The following RYR3 variants were observed in gnomAD, a reference collection of about 807,000 sequenced individuals.
RYR3 encodes the protein ryanodine receptor 3.
A neutral mutation model predicts 584.3 loss-of-function variants in RYR3; 207 were observed. The ratio of observed to expected loss-of-function variants is 0.35; its 90% CI spans 0.32 to 0.40. RYR3 has a LOEUF of 0.40. RYR3 is among the 10% of genes least tolerant of loss of function. RYR3 has a pLI of 1.00. For synonymous variants in RYR3, 2,416 were observed against 2,248.5 expected (o/e 1.07, Z -2.11); for missense variants, 5,616 against 6,089.2 (o/e 0.92, Z 2.59).
intron 47 of RYR3, among the ~76,000 whole-genome samples, chr15:33,730,189 G>C (rs1466076711): frequency 6.6e-6 from 1 of 151,902 alleles, no homozygotes; most frequent in East Asian, 1.9e-4. Context: ...TAAATTATTT[G>C]ATTTTAAAAA....
At chr15:33,466,235 C>A (rs774366705) in intron 1 of RYR3, among the ~76,000 whole-genome samples, 1 of 152,080 alleles carries the variant, frequency 6.6e-6, no homozygotes, top group South Asian at 2.1e-4. Context: ...CCTGGAGCAC[C>A]ACTGTAGCAG....
chr15:33,564,793 T>C (rs2057610604), intron 11 of RYR3, among the ~76,000 whole-genome samples: 2 of 152,224 alleles, frequency 1.3e-5, no homozygotes, highest in Admixed American at 1.3e-4. Context: ...TTCATTTAAC[T>C]GTTAGAATGT....
intron 32 of RYR3, among the ~76,000 whole-genome samples, chr15:33,653,809 T>C (rs1167082916): frequency 6.6e-6 from 1 of 152,184 alleles, no homozygotes; most frequent in African/African-American, 2.4e-5. Flanking sequence ...GCCTGATCTC[T>C]TCATCCTTGA....
chr15:33,696,659 A>G (rs888615724), intron 39 of RYR3, among the ~76,000 whole-genome samples, 168 bp downstream of exon 39: 11 of 152,226 alleles, frequency 7.2e-5, no homozygotes, highest in African/African-American at 4.8e-5. Flanking sequence ...GAGAGACCCA[A>G]CTACTCACAG....
chr15:33,324,572 C>T (rs1055142981), intron 1 of RYR3, among the ~76,000 whole-genome samples: 2 of 152,204 alleles, frequency 1.3e-5, no homozygotes, highest in African/African-American at 2.4e-5. Context: ...CTGTGTATGA[C>T]ACTGATTTAT....
chr15:33,756,405 T>C, intron 59 of RYR3, 32 bp downstream of exon 59: 2 of 1,463,658 alleles, frequency 1.4e-6, no homozygotes, highest in Non-Finnish European at 1.9e-6. Flanking sequence ...CAAATTACTT[T>C]CTTCTTAGGA....
chr15:33,597,932 T>C (rs1466095275), intron 16 of RYR3, among the ~76,000 whole-genome samples: 2 of 151,826 alleles, frequency 1.3e-5, no homozygotes, highest in Non-Finnish European at 2.9e-5. Flanking sequence ...GTCTTAGACT[T>C]TCAGATTCTT....
intron 27 of RYR3, among the ~76,000 whole-genome samples, chr15:33,638,059 A>G (rs549970035): frequency 1.6e-4 from 25 of 152,340 alleles, no homozygotes; most frequent in South Asian, 4.1e-4. Flanking sequence ...GGAGAAATAT[A>G]AAGCTTACAA....
intron 1 of RYR3, among the ~76,000 whole-genome samples, chr15:33,409,466 C>G (rs189376832): frequency 4.4e-4 from 67 of 152,204 alleles, no homozygotes; most frequent in African/African-American, 1.6e-3. Flanking sequence ...GTCTTGGGCT[C>G]CCCAGGTGCT....
intron 1 of RYR3, among the ~76,000 whole-genome samples, chr15:33,438,958 G>A (rs2045977269): frequency 6.6e-6 from 1 of 152,172 alleles, no homozygotes; most frequent in African/African-American, 2.4e-5. Flanking sequence ...AATGGAAATA[G>A]GAATGAGAGA....
intron 1 of RYR3, among the ~76,000 whole-genome samples, chr15:33,315,644 A>G (rs1968058173): frequency 6.6e-6 from 1 of 152,212 alleles, no homozygotes; most frequent in Non-Finnish European, 1.5e-5. Flanking sequence ...AAAGACCCAT[A>G]TCAGCCGAGC....
chr15:33,556,394 A>T (rs1422689433), intron 10 of RYR3, among the ~76,000 whole-genome samples: 1 of 152,188 alleles, frequency 6.6e-6, no homozygotes, highest in African/African-American at 2.4e-5. Context: ...GTGGCTTTCC[A>T]TTACTTACAC....
At chr15:33,712,676 G>GA (rs555273994) in intron 43 of RYR3, among the ~76,000 whole-genome samples, 105 of 152,262 alleles carry the variant, frequency 6.9e-4, no homozygotes, top group African/African-American at 2.4e-3. Flanking sequence ...GTATGAAAAA[G>GA]AAAAATGAGA....
Position 33,646,556 on chromosome 15 carries a change from C to T in RYR3, c.3941+30C>T, listed in dbSNP as rs572611804. On this transcript the variant is annotated intron_variant, in intron 29 of 103. Coordinates refer to ENST00000634891, the MANE Select transcript of RYR3 (RefSeq NM_001036.6). ...GGGTGAGGCCTCCAGTTCTCAGAGG[C>T]ACTCATTGTATCTCCTGTAAAGTGG... 5 of 1,580,128 alleles carry T rather than the reference C, an allele frequency of 3.2e-6. No individual in the cohort carries two copies. In the African/African-American group the frequency reaches 5.4e-5, roughly 17 times the overall value.
chr15:33,578,799 T>C (rs2152511086), intron 12 of RYR3, among the ~76,000 whole-genome samples: 1 of 138,866 alleles, frequency 7.2e-6, no homozygotes, highest in Admixed American at 7.0e-5. Flanking sequence ...AAAAAACTCC[T>C]CGTGATGTTA....
At chr15:33,492,796 G>A (rs759539032) in intron 2 of RYR3, among the ~76,000 whole-genome samples, 8 of 152,128 alleles carry the variant, frequency 5.3e-5, no homozygotes, top group Non-Finnish European at 1.2e-4. Context: ...TCAGCCTTCA[G>A]TTCCAGTTTG....
At chr15:33,465,664 G>T in intron 1 of RYR3, 1 of 514,566 alleles carries the variant, frequency 1.9e-6, no homozygotes, top group Non-Finnish European at 3.9e-6. Context: ...AAAGACTCTG[G>T]CTACTGTGTG....
intron 1 of RYR3, among the ~76,000 whole-genome samples, chr15:33,362,379 A>G (rs367594874): frequency 1.9e-4 from 29 of 152,238 alleles, no homozygotes; most frequent in South Asian, 8.3e-4. Context: ...CACAGCAACC[A>G]CTTGGTAAAT....
chr15:33,605,816 T>G (rs937118695), intron 18 of RYR3, among the ~76,000 whole-genome samples: 4 of 152,122 alleles, frequency 2.6e-5, no homozygotes, highest in Non-Finnish European at 4.4e-5. Context: ...AAAAGGTAAT[T>G]GATGAAGAAA....
Sources: gnomAD v4.1 joint callset for allele counts (sites outside exome capture counted in the v4.1 genomes callset) on GRCh38, gnomAD v4.1.1 for gene constraint, MANE v1.5 for transcripts, NCBI Gene and HGNC (gene_info 2026-07-23, HGNC 2026-07-21) for gene names.